The following SEMA3E variants were observed in gnomAD, a reference collection of about 807,000 sequenced individuals.
SEMA3E encodes the protein semaphorin-3E.
In SEMA3E, 49 loss-of-function variants were observed where a neutral mutation model predicts 93.6. That is an observed-to-expected ratio of 0.52 (90% CI 0.42 to 0.66). The LOEUF is 0.66. SEMA3E is among the 30% of genes least tolerant of loss of function. SEMA3E has a pLI of 0.00. For synonymous variants in SEMA3E, 363 were observed against 330.7 expected (o/e 1.10, Z -1.06); for missense variants, 906 against 964.8 (o/e 0.94, Z 0.81).
chr7:83,370,550 CCTTT>C (rs1490508646), intron 16 of SEMA3E, among the ~76,000 whole-genome samples: 1 of 152,112 alleles, frequency 6.6e-6, no homozygotes, highest in Non-Finnish European at 1.5e-5. Flanking sequence ...CCAAATCTTC[CCTTT>C]TTTTCTGTTT....
chr7:83,414,878 A>G (rs780005975), intron 5 of SEMA3E, among the ~76,000 whole-genome samples: 7 of 152,102 alleles, frequency 4.6e-5, no homozygotes, highest in Non-Finnish European at 7.4e-5. Context: ...TGGTAATACA[A>G]CTATGGGTCA....
At chr7:83,515,854 C>A (rs1240708931) in intron 1 of SEMA3E, among the ~76,000 whole-genome samples, 1 of 152,032 alleles carries the variant, frequency 6.6e-6, no homozygotes, top group African/African-American at 2.4e-5. Flanking sequence ...ATGGTGAAAC[C>A]ACGTCTCCAC....
At chr7:83,517,653 C>A (rs1471121954) in intron 1 of SEMA3E, among the ~76,000 whole-genome samples, 6 of 151,852 alleles carry the variant, frequency 4.0e-5, no homozygotes, top group African/African-American at 1.5e-4. Flanking sequence ...GTAGCAGAAG[C>A]CTAGAGCTGC....
chr7:83,474,037 A>T (rs1429807352), intron 2 of SEMA3E, among the ~76,000 whole-genome samples: 1 of 149,250 alleles, frequency 6.7e-6, no homozygotes, highest in Non-Finnish European at 1.5e-5. Context: ...GCTTGCAGTG[A>T]GCCAGGATCC....
At chr7:83,531,317 T>C (rs1326755241) in intron 1 of SEMA3E, among the ~76,000 whole-genome samples, 15 of 150,252 alleles carry the variant, frequency 1.0e-4, no homozygotes, top group African/African-American at 3.7e-4. Context: ...TTTGTGTGCA[T>C]GTGTGCTTCT....
intron 1 of SEMA3E, among the ~76,000 whole-genome samples, chr7:83,629,624 T>C (rs1793744057): frequency 6.6e-6 from 1 of 152,082 alleles, no homozygotes; most frequent in African/African-American, 2.4e-5. Flanking sequence ...GCCTCAGTAA[T>C]GGCAGACGCC....
At chr7:83,645,751 G>A (rs185152683) in intron 1 of SEMA3E, among the ~76,000 whole-genome samples, 1 of 142,704 alleles carries the variant, frequency 7.0e-6, no homozygotes, top group African/African-American at 2.6e-5. Flanking sequence ...CTCTCTCTCT[G>A]CCTTTTCTCC....
intron 6 of SEMA3E, 114 bp downstream of exon 6, chr7:83,408,254 A>T: frequency 8.2e-7 from 1 of 1,226,128 alleles, no homozygotes; most frequent in Non-Finnish European, 1.2e-6. Context: ...AAACATTCTG[A>T]AATTTGTAAA....
intron 5 of SEMA3E, among the ~76,000 whole-genome samples, chr7:83,413,281 T>A (rs993089010): frequency 6.6e-6 from 1 of 151,084 alleles, no homozygotes; most frequent in African/African-American, 2.4e-5. Flanking sequence ...ACAAGAAAAA[T>A]TCACAGTAGT....
intron 1 of SEMA3E, among the ~76,000 whole-genome samples, chr7:83,607,224 A>G (rs1274354044): frequency 2.6e-5 from 4 of 152,244 alleles, no homozygotes; most frequent in Non-Finnish European, 4.4e-5. Context: ...TATTGTGTCC[A>G]CATGACAACA....
At chr7:83,423,355 T>C (rs1788706201) in intron 4 of SEMA3E, among the ~76,000 whole-genome samples, 1 of 152,144 alleles carries the variant, frequency 6.6e-6, no homozygotes, top group South Asian at 2.1e-4. Flanking sequence ...GACTAAACCC[T>C]CCTTTCTCAC....
chr7:83,535,499 G>A (rs1323000220), intron 1 of SEMA3E, among the ~76,000 whole-genome samples: 2 of 151,730 alleles, frequency 1.3e-5, no homozygotes, highest in Admixed American at 1.3e-4. Flanking sequence ...GGTAATCACA[G>A]CAGTCACAGA....
chr7:83,401,311 C>T (rs1298266773), intron 10 of SEMA3E, among the ~76,000 whole-genome samples: 1 of 152,052 alleles, frequency 6.6e-6, no homozygotes, highest in Non-Finnish European at 1.5e-5. Context: ...AAATTTTCCA[C>T]TTTAGAGTAT....
chr7:83,453,531 C>G (rs911342550), intron 4 of SEMA3E, among the ~76,000 whole-genome samples: 1 of 151,044 alleles, frequency 6.6e-6, no homozygotes, highest in African/African-American at 2.4e-5. Context: ...AAACCATATA[C>G]AGTAATTAGT....
intron 2 of SEMA3E, among the ~76,000 whole-genome samples, chr7:83,475,026 T>C (rs1789981065): frequency 6.6e-6 from 1 of 151,146 alleles, no homozygotes; most frequent in African/African-American, 2.4e-5. Context: ...TACAAATTCA[T>C]TTAGGATCAT....
chr7:83,430,683 T>C (rs1788862769), intron 4 of SEMA3E, among the ~76,000 whole-genome samples: 1 of 151,792 alleles, frequency 6.6e-6, no homozygotes, highest in Non-Finnish European at 1.5e-5. Flanking sequence ...TGTCAGGGGC[T>C]GGGGGAGATG....
At chr7:83,582,009 T>A (rs865989043) in intron 1 of SEMA3E, among the ~76,000 whole-genome samples, 1 of 152,090 alleles carries the variant, frequency 6.6e-6, no homozygotes, top group Non-Finnish European at 1.5e-5. Context: ...TAAAGAATAC[T>A]GAAGTGTTTA....
At chr7:83,530,006 A>G (rs1562820793) in intron 1 of SEMA3E, among the ~76,000 whole-genome samples, 3 of 152,156 alleles carry the variant, frequency 2.0e-5, no homozygotes, top group South Asian at 4.1e-4. Context: ...AACACATCAT[A>G]TTTGAGTTCA....
intron 5 of SEMA3E, among the ~76,000 whole-genome samples, chr7:83,409,347 T>C (rs1343864881): frequency 6.6e-6 from 1 of 152,170 alleles, no homozygotes; most frequent in Non-Finnish European, 1.5e-5. Context: ...AGTGTGCCCA[T>C]CAGTTTTACC....
Sources: gnomAD v4.1 joint callset for allele counts (sites outside exome capture counted in the v4.1 genomes callset) on GRCh38, gnomAD v4.1.1 for gene constraint, MANE v1.5 for transcripts, NCBI Gene and HGNC (gene_info 2026-07-23, HGNC 2026-07-21) for gene names.